Variants in IFT80 observed in about 807,000 individuals in gnomAD.
The protein encoded by IFT80 is intraflagellar transport 80.
IFT80 carries 79 observed loss-of-function variants against 107.9 expected under a neutral mutation model. The observed-to-expected ratio is 0.73, with a 90% confidence interval of 0.61 to 0.88. The LOEUF (loss-of-function observed/expected upper bound fraction) is 0.88. Among genes scored for constraint, IFT80 ranks in the 40% least tolerant of loss-of-function variants. The probability of loss-of-function intolerance (pLI) is 0.00; values close to 1 mark genes in which losing one functional copy is unlikely to be tolerated. For missense variants in IFT80, 797 were observed against 914.2 expected (o/e 0.87, Z 1.65); for synonymous variants, 299 against 300.9 (o/e 0.99, Z 0.07).
intron 1 of IFT80, among the ~76,000 whole-genome samples, chr3:160,398,725 AC>A (rs1206461881): frequency 6.6e-6 from 1 of 152,198 alleles, no homozygotes; most frequent in African/African-American, 2.4e-5. Flanking sequence ...ATTATGCCTT[AC>A]CCAGGGCAAT....
intron 6 of IFT80, among the ~76,000 whole-genome samples, chr3:160,359,957 A>G (rs570363042): frequency 1.0e-3 from 154 of 152,364 alleles, no homozygotes; most frequent in African/African-American, 3.7e-3. Context: ...CCTCCAAAGG[A>G]TCGCAGCTCC....
chr3:160,357,256 C>T (rs1721161875), intron 7 of IFT80, among the ~76,000 whole-genome samples: 1 of 152,120 alleles, frequency 6.6e-6, no homozygotes, highest in African/African-American at 2.4e-5. Flanking sequence ...TGCTCCATCA[C>T]AACTGGCTAA....
At chr3:160,265,318 G>A (rs949703072) in intron 19 of IFT80, among the ~76,000 whole-genome samples, 13 of 152,112 alleles carry the variant, frequency 8.5e-5, no homozygotes, top group Admixed American at 7.2e-4. Flanking sequence ...GCAGCTTTTC[G>A]GTAGTAGCTA....
chr3:160,343,323 T>A (rs1020366675), intron 8 of IFT80, among the ~76,000 whole-genome samples: 2 of 152,124 alleles, frequency 1.3e-5, no homozygotes, highest in African/African-American at 4.8e-5. Flanking sequence ...AAAAAAGTTA[T>A]CTCTTACACA....
chr3:160,396,879 TATAA>T (rs1266386029), intron 1 of IFT80, among the ~76,000 whole-genome samples: 1 of 152,212 alleles, frequency 6.6e-6, no homozygotes, highest in African/African-American at 2.4e-5. Flanking sequence ...TTGTGGTATA[TATAA>T]ATCTCCAGAT....
In IFT80 at chr3:160,268,423, T is replaced by C; in HGVS notation, c.2213A>G (p.Tyr738Cys). The change falls in exon 19 of 20, where the codon TAT becomes TGT. Residue 738 changes from tyrosine (Y) to cysteine (C), a missense_variant. Tyr to Cys is a radical substitution (Grantham distance 194). Transcript: ENST00000326448. ...KQETNKRYLH[Y>C]AEGLQIDWEK... ...TTGTGAAATACTTACACCTTCTGCA[T>C]AATGCAAGTATCGTTTATTAGTTTC... The C allele has an allele frequency of 6.2e-7, 1 of 1,612,602 alleles. No individual in the cohort carries two copies. The highest frequency in any genetic ancestry group is 8.5e-7 in the Non-Finnish European group (1 of 1,178,694).
chr3:160,362,792 A>G (rs566946876), intron 6 of IFT80, among the ~76,000 whole-genome samples: 4 of 152,352 alleles, frequency 2.6e-5, no homozygotes, highest in South Asian at 2.1e-4. Context: ...ATAGATGCAG[A>G]AAAGGCCTTC....
At chr3:160,338,320 C>G (rs937776982) in intron 8 of IFT80, among the ~76,000 whole-genome samples, 6 of 152,184 alleles carry the variant, frequency 3.9e-5, no homozygotes, top group African/African-American at 1.4e-4. Flanking sequence ...AATTTGCCCC[C>G]AGGCTGGGTG....
chr3:160,277,242 G>A lies in IFT80; in HGVS notation c.2099+64C>T, dbSNP rs993438486. 3 of 1,339,770 alleles carry A rather than the reference G, an allele frequency of 2.2e-6. No individual in the cohort carries two copies. In the African/African-American group the frequency reaches 4.3e-5, roughly 19 times the overall value. 83.0% of individuals were successfully genotyped at this position (1,339,770 alleles called of 1,614,324 possible). ...TAGTGGAAAATGTAATTTACTAAGT[G>A]GTAGATGGAAAAATACATTAAGGTC... On this transcript the variant is annotated intron_variant, in intron 18 of 19. Transcript: ENST00000326448.
chr3:160,282,716 C>T (rs1466594401), intron 13 of IFT80, 103 bp from the exon 14 acceptor site: 1 of 724,574 alleles, frequency 1.4e-6, no homozygotes, highest in Non-Finnish European at 2.3e-6. Flanking sequence ...AATTAAATGT[C>T]ATTTCCCCAT....
Position 160,399,159 on chromosome 3 carries a change from A to G in IFT80, c.-60T>C, listed in dbSNP as rs1714141390. On this transcript the variant is annotated 5_prime_UTR_variant, in exon 1 of 20. Coordinates refer to ENST00000326448, the MANE Select transcript of IFT80 (RefSeq NM_020800.3). ...GAAGGGATTTACCTCAAGTTCCAGGAAAGCGGTGGCGATTGCTCTCAAATA... is the reference window on the plus strand; with the variant it reads ...GAAGGGATTTACCTCAAGTTCCAGGGAAGCGGTGGCGATTGCTCTCAAATA... 1 of 152,276 alleles carries G rather than the reference A, an allele frequency of 6.6e-6. No homozygotes were observed. The highest frequency in any genetic ancestry group is 6.5e-5 in the Admixed American group (1 of 15,284). The allele number at this position is 152,276 out of a possible 1,614,324, so 9.4% of individuals were successfully genotyped here.
chr3:160,268,092 G>A (rs1291297631), intron 19 of IFT80, among the ~76,000 whole-genome samples: 1 of 152,122 alleles, frequency 6.6e-6, no homozygotes, highest in East Asian at 1.9e-4. Flanking sequence ...GGCAGCTTGT[G>A]GCAGGTGAAA....
At chr3:160,266,253 G>A (rs1180525186) in intron 19 of IFT80, among the ~76,000 whole-genome samples, 3 of 151,746 alleles carry the variant, frequency 2.0e-5, no homozygotes, top group African/African-American at 7.3e-5. Context: ...TTGAATATAT[G>A]TATAATGAAA....
chr3:160,359,024 T>C (rs548469546), intron 6 of IFT80, among the ~76,000 whole-genome samples: 1 of 152,292 alleles, frequency 6.6e-6, no homozygotes, highest in Admixed American at 6.5e-5. Context: ...TTAAAAGACA[T>C]GAGGTATATA....
intron 8 of IFT80, among the ~76,000 whole-genome samples, chr3:160,334,309 G>A (rs1172855817): frequency 3.3e-5 from 5 of 152,134 alleles, no homozygotes; most frequent in African/African-American, 9.7e-5. Context: ...GTACAGATGA[G>A]ATATGTTATT....
chr3:160,279,139 A>T, intron 16 of IFT80, 54 bp downstream of exon 16: 1 of 1,437,368 alleles, frequency 7.0e-7, no homozygotes, highest in Middle Eastern at 1.8e-4. Context: ...ATTTTGCACA[A>T]AGGTAAACTA....
chr3:160,358,003 TTTTA>T (rs563554995), intron 6 of IFT80, among the ~76,000 whole-genome samples: 7 of 151,324 alleles, frequency 4.6e-5, no homozygotes, highest in Admixed American at 2.0e-4. Context: ...TACTTATTTA[TTTTA>T]TTTATTTATT....
chr3:160,269,906 G>A (rs1383911365), intron 18 of IFT80, among the ~76,000 whole-genome samples: 2 of 152,212 alleles, frequency 1.3e-5, no homozygotes, highest in Non-Finnish European at 2.9e-5. Context: ...ACTATTATAA[G>A]TCTGTTGTTT....
intron 14 of IFT80, among the ~76,000 whole-genome samples, chr3:160,281,465 C>T (rs1336185389): frequency 6.6e-6 from 1 of 152,142 alleles, no homozygotes; most frequent in Non-Finnish European, 1.5e-5. Flanking sequence ...TCAGGAGAGG[C>T]CCCTGCCACC....
Sources: allele counts gnomAD v4.1 joint callset (sites outside exome capture counted in the v4.1 genomes callset), GRCh38; gene constraint gnomAD v4.1.1; transcripts MANE v1.5; gene names NCBI Gene and HGNC (gene_info 2026-07-23, HGNC 2026-07-21).